Variants in ADAM32 observed in about 807,000 individuals in gnomAD.
ADAM32 encodes ADAM metallopeptidase domain 32.
Under a neutral mutation model 114.9 loss-of-function variants are expected in ADAM32, and 89 were observed. The ratio of observed to expected loss-of-function variants is 0.77; its 90% CI spans 0.65 to 0.92. The LOEUF (loss-of-function observed/expected upper bound fraction) is 0.92. Ranked by LOEUF, ADAM32 falls within the 40% of genes least tolerant of loss-of-function variation. The probability of loss-of-function intolerance (pLI) is 0.00; values close to 1 mark genes in which losing one functional copy is unlikely to be tolerated. For missense variants in ADAM32, 870 were observed against 932.8 expected, an observed-to-expected ratio of 0.93 and a Z score of 0.88; for synonymous variants, 285 against 307.5, an observed-to-expected ratio of 0.93 and a Z score of 0.77.
chr8:39,175,851 A>C (rs1257237454), intron 10 of ADAM32, among the ~76,000 whole-genome samples: 1 of 152,014 alleles, frequency 6.6e-6, no homozygotes. Flanking sequence ...TTCTGCCTCC[A>C]TTTCAGAACT....
intron 14 of ADAM32, among the ~76,000 whole-genome samples, chr8:39,231,181 T>C (rs1238827735): frequency 6.6e-6 from 1 of 152,170 alleles, no homozygotes; most frequent in Non-Finnish European, 1.5e-5. Context: ...CCTGAACTAA[T>C]CATGTGAGCC....
chr8:39,194,804 C>T lies in ADAM32; in HGVS notation c.1052+7759C>T, dbSNP rs137962531. 2.6e-4 allele frequency among the ~76,000 whole-genome samples: 40 copies of T among 152,278 alleles called. 1 individual carries two copies. In the East Asian group the frequency reaches 7.1e-3, roughly 27 times the overall value. On this transcript the variant is annotated intron_variant, in intron 11 of 24. Transcript: ENST00000379907. ...GACAGTTCCCCTAGGGCTAAAGTCT[C>T]GTACGGAAGGAAGTTAAGCCTAGGC...
chr8:39,240,675 C>T lies in ADAM32; in HGVS notation c.1819-5408C>T, dbSNP rs184991070. ...CATGGAGGCAGACAGGAGAAGAGAG[C>T]TTGTGCAGGGAAACTCCCCTTTTTA... is the stretch of plus-strand genomic sequence containing the variant. On this transcript the variant is annotated intron_variant, in intron 16 of 24. Coordinates refer to ENST00000379907, the MANE Select transcript of ADAM32 (RefSeq NM_145004.7). 3.7e-3 allele frequency among the ~76,000 whole-genome samples: 564 copies of T among 152,248 alleles called. 2 individuals are homozygous for T. Among genetic ancestry groups the T allele is most frequent in the Non-Finnish European group, 6.2e-3 (422 of 68,006 alleles).
chr8:39,152,637 T>C (rs7003866), intron 6 of ADAM32, among the ~76,000 whole-genome samples: 131,021 of 151,128 alleles, frequency 0.87, 59,922 homozygotes, highest in East Asian at 1. Context: ...TGAAGAATTG[T>C]TTGAACCTGG....
intron 20 of ADAM32, among the ~76,000 whole-genome samples, chr8:39,271,600 C>A (rs1297475543): frequency 6.8e-6 from 1 of 147,370 alleles, no homozygotes; most frequent in African/African-American, 2.5e-5. Context: ...ATCCATTAAA[C>A]AAGAAATAAA....
intron 1 of ADAM32, among the ~76,000 whole-genome samples, chr8:39,115,576 AT>A (rs1475705651): frequency 2.0e-5 from 3 of 146,958 alleles, no homozygotes; most frequent in Admixed American, 2.0e-4. Context: ...TCATTGGCCC[AT>A]TTTTTAATGG....
rs140829096 is a variant in ADAM32, at chr8:39,240,966, G to A, written c.1819-5117G>A. Reference sequence around the variant, plus strand: ...CAAAATCTTATCCAAGACAAGGCAAGTCCCTTCCACCTATAAAATCAGAAG... The same window carrying A: ...CAAAATCTTATCCAAGACAAGGCAAATCCCTTCCACCTATAAAATCAGAAG... On this transcript the variant is annotated intron_variant, in intron 16 of 24. Coordinates refer to ENST00000379907, the MANE Select transcript of ADAM32 (RefSeq NM_145004.7). 3.8e-4 allele frequency among the ~76,000 whole-genome samples: 58 copies of A among 152,264 alleles called. No individual in the cohort carries two copies. The East Asian group carries it at 0.011, about 28-fold the overall frequency.
At chr8:39,194,802 C>G (rs946713903) in intron 11 of ADAM32, among the ~76,000 whole-genome samples, 5 of 152,154 alleles carry the variant, frequency 3.3e-5, no homozygotes, top group African/African-American at 1.2e-4. Flanking sequence ...GGGCTAAAGT[C>G]TCGTACGGAA....
chr8:39,183,360 T>A (rs772618534), intron 10 of ADAM32, among the ~76,000 whole-genome samples: 11 of 152,130 alleles, frequency 7.2e-5, no homozygotes, highest in Non-Finnish European at 1.3e-4. Context: ...CCCAGAATGG[T>A]GGGGAAGTTA....
chr8:39,275,471 A>T (rs573822872), intron 21 of ADAM32, among the ~76,000 whole-genome samples: 4 of 152,196 alleles, frequency 2.6e-5, no homozygotes, highest in Non-Finnish European at 5.9e-5. Flanking sequence ...TGGATTTTGA[A>T]TCACAACCTA....
Position 39,210,419 on chromosome 8 carries a change from G to A in ADAM32, c.1053-725G>A, listed in dbSNP as rs57515790. 4.3e-3 allele frequency among the ~76,000 whole-genome samples: 658 copies of A among 152,268 alleles called. 3 individuals carry two copies. The highest frequency in any genetic ancestry group is 0.015 in the African/African-American group (621 of 41,542). On this transcript the variant is annotated intron_variant, in intron 11 of 24. Transcript: ENST00000379907. Reference sequence around the variant, plus strand: ...CCTCATTCTTTTAGCTCTTGTGAAGGTGTTTTCTTGCATGGATAATTGTTC... The same window carrying A: ...CCTCATTCTTTTAGCTCTTGTGAAGATGTTTTCTTGCATGGATAATTGTTC...
In ADAM32 at chr8:39,270,416, C is replaced by T. The variant is rs77962474; in HGVS notation, c.2163-460C>T. Among the ~76,000 whole-genome samples the T allele has an allele frequency of 1.5e-4, 23 of 152,244 alleles. No individual in the cohort carries two copies. In the East Asian group the frequency reaches 4.4e-3, roughly 29 times the overall value. On this transcript the variant is annotated intron_variant, in intron 19 of 24. Coordinates refer to ENST00000379907, the MANE Select transcript of ADAM32 (RefSeq NM_145004.7). ...ATGGGTGAGATGGCTCCTTCTGGCTCCTGGTTTAGTTAAAGAGTTCACTTA... is the reference window on the plus strand; with the variant it reads ...ATGGGTGAGATGGCTCCTTCTGGCTTCTGGTTTAGTTAAAGAGTTCACTTA...
intron 19 of ADAM32, among the ~76,000 whole-genome samples, chr8:39,260,354 A>G (rs1329539106): frequency 2.0e-5 from 3 of 152,064 alleles, no homozygotes; most frequent in Admixed American, 1.3e-4. Context: ...GCCTTCTAGT[A>G]CTATGTTGAA....
At chr8:39,165,309 G>T in intron 9 of ADAM32, 113 bp downstream of exon 9, 1 of 861,266 alleles carries the variant, frequency 1.2e-6, no homozygotes, top group Non-Finnish European at 1.6e-6. Context: ...TGATTATTTA[G>T]TATGTGCTTT....
At chr8:39,188,406 C>G (rs1008546566) in intron 11 of ADAM32, among the ~76,000 whole-genome samples, 1 of 146,778 alleles carries the variant, frequency 6.8e-6, no homozygotes, top group Non-Finnish European at 1.5e-5. Context: ...TCTATCTATC[C>G]ATCCATCTAT....
chr8:39,155,402 G>C (rs1445343525), intron 6 of ADAM32, among the ~76,000 whole-genome samples: 5 of 152,214 alleles, frequency 3.3e-5, no homozygotes, highest in Non-Finnish European at 4.4e-5. Context: ...GGTAGTAACA[G>C]AGGCAGTATA....
intron 17 of ADAM32, among the ~76,000 whole-genome samples, chr8:39,248,152 A>G (rs555647201): frequency 6.6e-6 from 1 of 152,212 alleles, no homozygotes; most frequent in Admixed American, 6.5e-5. Flanking sequence ...TTTTCTTTCA[A>G]TGGTAACTTG....
chr8:39,180,195 GC>G (rs1240825073), intron 10 of ADAM32, among the ~76,000 whole-genome samples: 1 of 152,218 alleles, frequency 6.6e-6, no homozygotes, highest in Non-Finnish European at 1.5e-5. Context: ...GGCTTGGCGG[GC>G]CCCGCACTCG....
intron 11 of ADAM32, among the ~76,000 whole-genome samples, chr8:39,192,447 T>C (rs184102356): frequency 7.1e-4 from 108 of 152,312 alleles, no homozygotes; most frequent in African/African-American, 2.5e-3. Context: ...AGCATATCAT[T>C]GGGTCTTATT....
Sources: gnomAD v4.1 joint callset for allele counts (sites outside exome capture counted in the v4.1 genomes callset) on GRCh38, gnomAD v4.1.1 for gene constraint, MANE v1.5 for transcripts, NCBI Gene and HGNC (gene_info 2026-07-23, HGNC 2026-07-21) for gene names.